The following PAH variants were observed in gnomAD, a reference collection of about 807,000 sequenced individuals.
PAH encodes phenylalanine-4-hydroxylase.
Under a neutral mutation model 62.0 loss-of-function variants are expected in PAH, and 64 were observed. The observed-to-expected ratio is 1.03, with a 90% CI of 0.84 to 1.27. The LOEUF is 1.27. Ranked by LOEUF, PAH falls within the 50% of genes most tolerant of loss-of-function variation. The pLI, the probability that PAH is intolerant of heterozygous loss-of-function variation, is 0.00. For missense variants in PAH, 579 were observed against 542.8 expected (o/e 1.07, Z -0.66); for synonymous variants, 195 against 196.2 (o/e 0.99, Z 0.05).
At chr12:102,851,783 C>G in intron 7 of PAH, 27 bp from the exon 8 acceptor site, 2 of 1,598,700 alleles carry the variant, frequency 1.3e-6, no homozygotes, top group South Asian at 2.2e-5. Flanking sequence ...ACAGAGAGCT[C>G]GGAGGGGAGG....
chr12:102,932,082 C>T (rs1052042737), intron 1 of PAH, among the ~76,000 whole-genome samples: 1 of 152,120 alleles, frequency 6.6e-6, no homozygotes, highest in Non-Finnish European at 1.5e-5. Context: ...CTCCTCCAAT[C>T]CCCCTTCCAT....
intron 1 of PAH, among the ~76,000 whole-genome samples, chr12:102,932,152 C>T (rs1002695428): frequency 2.0e-5 from 3 of 152,160 alleles, no homozygotes; most frequent in African/African-American, 7.2e-5. Context: ...GCCATCCCAA[C>T]CAAACCATTT....
intron 3 of PAH, among the ~76,000 whole-genome samples, chr12:102,889,533 C>CAGGTGTAGATGATAGATGAT (rs1362815962): frequency 1.8e-5 from 2 of 113,846 alleles, no homozygotes; most frequent in Non-Finnish European, 3.5e-5. Context: ...GATAGATAGA[C>CAGGTGTAGATGATAGATGAT]GGATAGATAG....
intron 1 of PAH, among the ~76,000 whole-genome samples, chr12:102,945,324 T>C (rs1879454179): frequency 1.3e-5 from 2 of 152,180 alleles, no homozygotes; most frequent in South Asian, 4.1e-4. Context: ...AATCAGTAGG[T>C]GGCAAAGCCA....
chr12:102,906,781 A>G (rs1346399206), intron 2 of PAH, among the ~76,000 whole-genome samples: 1 of 152,246 alleles, frequency 6.6e-6, no homozygotes, highest in African/African-American at 2.4e-5. Flanking sequence ...ACTGAGGCAC[A>G]GAGAAGTCAA....
chr12:102,913,661 C>G, intron 1 of PAH: 1 of 553,914 alleles, frequency 1.8e-6, no homozygotes, highest in Admixed American at 3.3e-5. Context: ...GAAGCATTAA[C>G]TTGCTCCCAT....
intron 1 of PAH, among the ~76,000 whole-genome samples, chr12:102,936,740 ATTTC>A (rs1879113686): frequency 6.6e-6 from 1 of 151,734 alleles, no homozygotes. Context: ...ATGTTTTTCT[ATTTC>A]TTTATTTTTA....
At chr12:102,884,819 A>G (rs1389615842) in intron 3 of PAH, among the ~76,000 whole-genome samples, 2 of 151,992 alleles carry the variant, frequency 1.3e-5, no homozygotes, top group South Asian at 2.1e-4. Flanking sequence ...CTAAAGTTAC[A>G]TTTTCTTGAG....
intron 2 of PAH, among the ~76,000 whole-genome samples, chr12:102,912,002 G>T (rs1167223979): frequency 6.6e-6 from 1 of 152,196 alleles, no homozygotes; most frequent in Non-Finnish European, 1.5e-5. Flanking sequence ...GTGAAGTTTG[G>T]CTGCCCAGCA....
rs137996615 is a variant in PAH at position 102,901,673 on chromosome 12, G to A, written c.169-6755C>T. Among the ~76,000 whole-genome samples, 253 of 152,192 alleles carry A rather than the reference G, an allele frequency of 1.7e-3. 2 individuals are homozygous for A. The highest frequency in any genetic ancestry group is 5.9e-3 in the African/African-American group (244 of 41,528). ...TTTTGAGATGAGAATAGACTGGCAA[G>A]GGAGAACTTCTTGGACCACTATGTG... On this transcript the variant is annotated intron_variant, in intron 2 of 12. Transcript: ENST00000553106.
intron 6 of PAH, chr12:102,854,635 C>G: frequency 4.6e-6 from 1 of 218,830 alleles, no homozygotes; most frequent in Non-Finnish European, 9.1e-6. Context: ...GATACAGTGT[C>G]CATTTGACAG....
At chr12:102,918,685 T>G (rs1565875783), upstream of PAH, among the ~76,000 whole-genome samples, 2 of 152,048 alleles carry the variant, frequency 1.3e-5, no homozygotes, top group Non-Finnish European at 2.9e-5. Context: ...AATACAGATA[T>G]AACAAGTGCA....
At chr12:102,839,418 A>G (rs566730428) in intron 12 of PAH, among the ~76,000 whole-genome samples, 200 bp from the exon 13 acceptor site, 2 of 152,256 alleles carry the variant, frequency 1.3e-5, no homozygotes, top group Non-Finnish European at 2.9e-5. Flanking sequence ...TAATGTAATC[A>G]GCATCCCTTT....
At chr12:102,850,642 C>A (rs1316256999) in intron 8 of PAH, among the ~76,000 whole-genome samples, 2 of 152,088 alleles carry the variant, frequency 1.3e-5, no homozygotes, top group Non-Finnish European at 2.9e-5. Context: ...ATAATGTAAC[C>A]CCAGGTCACA....
chr12:102,896,683 GGTAGGA>G (rs1256606157), intron 2 of PAH, among the ~76,000 whole-genome samples: 3 of 152,080 alleles, frequency 2.0e-5, no homozygotes, highest in African/African-American at 7.2e-5. Context: ...AGAGTTTGTG[GGTAGGA>G]AAATGGAAAA....
intron 5 of PAH, among the ~76,000 whole-genome samples, chr12:102,857,275 A>C (rs1875477653): frequency 6.6e-6 from 1 of 152,234 alleles, no homozygotes; most frequent in African/African-American, 2.4e-5. Flanking sequence ...TTTAGAGAAA[A>C]AAGAGTAAAA....
chr12:102,859,271 C>A (rs1875599210), intron 5 of PAH, among the ~76,000 whole-genome samples: 1 of 152,000 alleles, frequency 6.6e-6, no homozygotes, highest in Non-Finnish European at 1.5e-5. Context: ...AAGACTAAAC[C>A]AGGAAGAAGT....
chr12:102,888,879 C>CA (rs1877149050), intron 3 of PAH, among the ~76,000 whole-genome samples: 1 of 152,076 alleles, frequency 6.6e-6, no homozygotes, highest in African/African-American at 2.4e-5. Context: ...CCTGCAGACA[C>CA]AGAGCCACAT....
At chr12:102,929,891 A>C (rs1248834747) in intron 1 of PAH, among the ~76,000 whole-genome samples, 1 of 152,178 alleles carries the variant, frequency 6.6e-6, no homozygotes, top group African/African-American at 2.4e-5. Flanking sequence ...AGATAGCTCC[A>C]TCTCTGCTTT....
Sources: allele counts gnomAD v4.1 joint callset (sites outside exome capture counted in the v4.1 genomes callset), GRCh38; gene constraint gnomAD v4.1.1; transcripts MANE v1.5; gene names NCBI Gene and HGNC (gene_info 2026-07-23, HGNC 2026-07-21).